The following SPTLC2 variants were observed in gnomAD, a reference collection of about 807,000 sequenced individuals.
SPTLC2 encodes serine palmitoyltransferase 2.
SPTLC2 carries 21 observed loss-of-function variants against 62.0 expected under a neutral mutation model. The ratio of observed to expected loss-of-function variants is 0.34; its 90% CI spans 0.24 to 0.49. The LOEUF is 0.49. SPTLC2 is among the 20% of genes least tolerant of loss of function. The pLI is 0.99. For missense variants in SPTLC2, 511 were observed against 713.0 expected (o/e 0.72, Z 3.23); for synonymous variants, 261 against 261.8 (o/e 1.00, Z 0.03).
At chr14:77,607,294 C>T (rs1000101997) in intron 1 of SPTLC2, among the ~76,000 whole-genome samples, 1 of 151,488 alleles carries the variant, frequency 6.6e-6, no homozygotes, top group Non-Finnish European at 1.5e-5. Context: ...TGTCAACAGT[C>T]ATGGGAAAGC....
chr14:77,581,405 C>CTCTTT (rs1214321769), intron 2 of SPTLC2, among the ~76,000 whole-genome samples: 3 of 94,010 alleles, frequency 3.2e-5, no homozygotes, highest in Non-Finnish European at 4.0e-5. Flanking sequence ...TACCATCTCT[C>CTCTTT]TTTTTTTTTT....
chr14:77,570,621 T>TTA, intron 4 of SPTLC2, 113 bp from the exon 5 acceptor site: 1 of 1,266,946 alleles, frequency 7.9e-7, no homozygotes, highest in Non-Finnish European at 1.1e-6. Context: ...CAGACTAAGA[T>TTA]CTATGAAGGA....
chr14:77,595,011 A>G (rs578262506), intron 2 of SPTLC2, among the ~76,000 whole-genome samples: 61 of 152,234 alleles, frequency 4.0e-4, no homozygotes, highest in African/African-American at 1.4e-3. Context: ...TACAAAATCA[A>G]CGTACTGTAG....
chr14:77,557,017 G>T, intron 7 of SPTLC2, 24 bp downstream of exon 7: 4 of 1,596,150 alleles, frequency 2.5e-6, no homozygotes, highest in Non-Finnish European at 2.6e-6. Flanking sequence ...AGTCACAAAG[G>T]TAAGAATAAT....
chr14:77,524,439 T>TAA (rs58888508), intron 9 of SPTLC2, among the ~76,000 whole-genome samples: 25 of 133,968 alleles, frequency 1.9e-4, no homozygotes, highest in African/African-American at 6.0e-4. Flanking sequence ...TAGCCTCTGT[T>TAA]AAAAAAAAAA....
chr14:77,529,620 C>CTTTTTTTTTTTTTTT (rs71452856), intron 9 of SPTLC2, among the ~76,000 whole-genome samples: 3 of 76,052 alleles, frequency 3.9e-5, no homozygotes, highest in East Asian at 7.3e-4. Flanking sequence ...TTCTTTCTTT[C>CTTTTTTTTTTTTTTT]TTTTTTTTTT....
At chr14:77,604,014 C>T (rs2079891640) in intron 1 of SPTLC2, among the ~76,000 whole-genome samples, 1 of 152,224 alleles carries the variant, frequency 6.6e-6, no homozygotes, top group Non-Finnish European at 1.5e-5. Context: ...GCCCCCACCA[C>T]GTGCTCCAGT....
At position 77,553,453 on chromosome 14, in the gene SPTLC2, C is replaced by T. The variant is rs115747286; in HGVS notation, c.1177-1231G>A. Among the ~76,000 whole-genome samples the T allele has an allele frequency of 4.1e-3, 623 of 152,148 alleles. 3 individuals are homozygous for T. The highest frequency in any genetic ancestry group is 0.014 in the African/African-American group (599 of 41,502). ...GAGATAAAAATCTATCAAACCTGGC[C>T]AGGTGCAGTGGCTCACACCTGTAAT... On this transcript the variant is annotated intron_variant, in intron 8 of 11. Coordinates refer to ENST00000216484, the MANE Select transcript of SPTLC2 (RefSeq NM_004863.4).
intron 11 of SPTLC2, among the ~76,000 whole-genome samples, chr14:77,517,521 T>A (rs894002892): frequency 6.6e-6 from 1 of 152,210 alleles, no homozygotes; most frequent in African/African-American, 2.4e-5. Flanking sequence ...TAAAACAGAC[T>A]TATTCCTATC....
rs2079325740 is a variant in SPTLC2 at position 77,510,286 on chromosome 14, G to A, written c.*1998C>T. 4.8e-6 allele frequency: 1 copy of A among 207,536 alleles called. No individual in the cohort carries two copies. The highest frequency in any genetic ancestry group is 5.9e-5 in the Admixed American group (1 of 16,948). 12.9% of individuals were successfully genotyped at this position (207,536 alleles called of 1,614,324 possible). ...GGGCTTATTAAAGTTCTCAGATGCT[G>A]ACAGTGACTAAACATAACTCATACT... On this transcript the variant is annotated 3_prime_UTR_variant, in exon 12 of 12. Transcript: ENST00000216484.
chr14:77,532,179 T>G (rs572063144), intron 9 of SPTLC2, among the ~76,000 whole-genome samples: 4 of 152,318 alleles, frequency 2.6e-5, no homozygotes, highest in Non-Finnish European at 5.9e-5. Context: ...GTGCTGCATA[T>G]TCCGGGAATT....
In SPTLC2 at chr14:77,556,573, T is replaced by C. The variant is rs372941186; in HGVS notation, c.956+468A>G. Among the ~76,000 whole-genome samples, 227 of 152,304 alleles carry C rather than the reference T, an allele frequency of 1.5e-3. 1 individual carries two copies. The highest frequency in any genetic ancestry group is 2.4e-3 in the Non-Finnish European group (162 of 68,022). On this transcript the variant is annotated intron_variant, in intron 7 of 11. Transcript: ENST00000216484. The stretch of plus-strand genomic sequence containing the variant: ...TTCTTTTTAATTTTTATTTATTTTT[T>C]ACAGAGACAGGGTCTCACTATGTTG...
At chr14:77,553,946 T>A (rs530803332) in intron 8 of SPTLC2, among the ~76,000 whole-genome samples, 2 of 151,644 alleles carry the variant, frequency 1.3e-5, no homozygotes, top group African/African-American at 4.8e-5. Context: ...TCCCCCATAG[T>A]TGGGACTACA....
chr14:77,603,934 C>G (rs1430830432), intron 1 of SPTLC2, among the ~76,000 whole-genome samples: 1 of 152,244 alleles, frequency 6.6e-6, no homozygotes, highest in Non-Finnish European at 1.5e-5. Context: ...GCCACAAATT[C>G]TGCATCTTCA....
intron 6 of SPTLC2, among the ~76,000 whole-genome samples, chr14:77,560,513 G>A (rs1168091646): frequency 6.6e-6 from 1 of 152,110 alleles, no homozygotes; most frequent in Admixed American, 6.6e-5. Flanking sequence ...TACTAGGGTG[G>A]CTGAGATGGG....
Position 77,576,841 on chromosome 14 carries a change from C to G in SPTLC2, c.557G>C (p.Gly186Ala). 1 of 1,614,158 alleles carries G rather than the reference C, an allele frequency of 6.2e-7. No homozygotes were observed. The highest frequency in any genetic ancestry group is 8.5e-7 in the Non-Finnish European group (1 of 1,180,024). Residue 186 changes from glycine to alanine, a missense_variant, in exon 4 of 12, where the codon GGA (glycine) becomes GCA (alanine). Coordinates refer to ENST00000216484, the MANE Select transcript of SPTLC2 (RefSeq NM_004863.4). ...YNYLGFARNT[G>A]SCQEAAAKVL... ...TTTGGCGGCTGCTTCTTGACATGATCCAGTATTCCGTGCAAATCCAAGATA... is the reference window on the plus strand; with the variant it reads ...TTTGGCGGCTGCTTCTTGACATGATGCAGTATTCCGTGCAAATCCAAGATA...
chr14:77,526,960 A>C (rs936102849), intron 9 of SPTLC2, among the ~76,000 whole-genome samples: 4 of 151,770 alleles, frequency 2.6e-5, no homozygotes, highest in Non-Finnish European at 5.9e-5. Context: ...ACACCCGGCT[A>C]ATTTTTTGTA....
Position 77,508,368 on chromosome 14 carries a change from T to C in SPTLC2, c.*3916A>G, listed in dbSNP as rs996086046. 1 of 152,216 alleles carries C rather than the reference T, an allele frequency of 6.6e-6. No individual in the cohort carries two copies. The highest frequency in any genetic ancestry group is 2.4e-5 in the African/African-American group (1 of 41,454). 9.4% of individuals were successfully genotyped at this position (152,216 alleles called of 1,614,324 possible). A position where few individuals can be genotyped will look rare whatever the true frequency, so the allele number is the denominator to read the frequency against. On this transcript the variant is annotated 3_prime_UTR_variant, in exon 12 of 12. Transcript: ENST00000216484. ...ACCTAGAACACCAAGAGAGGAAAGA[T>C]ACCTTGGGAATTAGGTCATAGCAAT...
intron 7 of SPTLC2, 123 bp from the exon 8 acceptor site, chr14:77,555,642 G>A: frequency 1.0e-6 from 1 of 992,734 alleles, no homozygotes; most frequent in Non-Finnish European, 1.5e-6. Flanking sequence ...TTGGGACAGA[G>A]TTTTGCTCCA....
Sources: gnomAD v4.1 joint callset for allele counts (sites outside exome capture counted in the v4.1 genomes callset) on GRCh38, gnomAD v4.1.1 for gene constraint, MANE v1.5 for transcripts, NCBI Gene and HGNC (gene_info 2026-07-23, HGNC 2026-07-21) for gene names.